SLC28A3: variants seen among roughly 807,000 people sequenced by gnomAD.
SLC28A3 encodes solute carrier family 28 member 3.
SLC28A3 carries 68 observed loss-of-function variants against 84.2 expected under a neutral mutation model. That is an observed-to-expected ratio of 0.81 (90% confidence interval 0.66 to 0.99). The LOEUF (loss-of-function observed/expected upper bound fraction) is 0.99. Ranked by LOEUF, SLC28A3 falls within the 50% of genes least tolerant of loss-of-function variation. The pLI is 0.00. For missense variants in SLC28A3, 712 were observed against 841.5 expected (o/e 0.85, Z 1.90); for synonymous variants, 267 against 303.6 (o/e 0.88, Z 1.25).
At chr9:84,289,378 T>C (rs947249197) in intron 11 of SLC28A3, among the ~76,000 whole-genome samples, 8 of 152,248 alleles carry the variant, frequency 5.3e-5, no homozygotes, top group African/African-American at 1.9e-4. Flanking sequence ...TATTGGGGAC[T>C]GTGTCTATGT....
Position 84,286,122 on chromosome 9 carries a change from A to AAAT in SLC28A3, c.1281-14_1281-12dup. On this transcript the variant is annotated splice_polypyrimidine_tract_variant and intron_variant, in intron 12 of 17. Transcript: ENST00000376238. Reference sequence around the variant, plus strand: ...AGATTCCCTGAATCACTTTATCAAGAAATAGCAATTCCAGAATTACCAAGG... The same window carrying AAAT: ...AGATTCCCTGAATCACTTTATCAAGAAATAATAGCAATTCCAGAATTACCAAGG... The AAAT allele has an allele frequency of 6.2e-7, 1 of 1,612,352 alleles. No homozygotes were observed. Among genetic ancestry groups the AAAT allele is most frequent in the Non-Finnish European group, 8.5e-7 (1 of 1,178,900 alleles).
the SLC28A3 span, among the ~76,000 whole-genome samples, chr9:84,361,705 C>A: frequency 2.0e-5 from 3 of 151,716 alleles, no homozygotes; most frequent in Non-Finnish European, 2.9e-5. Context: ...AGGGTAGATT[C>A]CCCCCAAAAG....
chr9:84,294,162 C>T (rs375195515), intron 9 of SLC28A3, 33 bp downstream of exon 9: 2 of 1,606,974 alleles, frequency 1.2e-6, no homozygotes, highest in Non-Finnish European at 8.5e-7. Flanking sequence ...ATCAGCTCTA[C>T]ACCTATAACC....
intron 1 of SLC28A3, among the ~76,000 whole-genome samples, chr9:84,334,435 A>G (rs934182532): frequency 1.3e-5 from 2 of 152,236 alleles, no homozygotes; most frequent in Admixed American, 6.5e-5. Context: ...GCAAGGAAGT[A>G]ATTGCCCCAC....
Position 84,290,235 on chromosome 9 carries a change from G to A in SLC28A3, c.1068C>T (p.Thr356=), listed in dbSNP as rs1226996428. The change falls in exon 11 of 18, where the codon ACC becomes ACT. Residue 356 remains threonine, a synonymous_variant. Transcript: ENST00000376238. The part of the protein sequence containing the change: ...LLVRPYLPYI[T]KSELHAIMTA... The stretch of plus-strand genomic sequence containing the variant: ...TCATGATGGCGTGGAGTTCAGACTT[G>A]GTGATGTAAGGTAAATATGGTCGGA... The A allele has an allele frequency of 6.2e-7, 1 of 1,613,942 alleles. No individual in the cohort carries two copies. The highest frequency in any genetic ancestry group is 8.5e-7 in the Non-Finnish European group (1 of 1,179,960).
At chr9:84,323,018 T>G (rs1035463863) in intron 1 of SLC28A3, among the ~76,000 whole-genome samples, 19 of 151,930 alleles carry the variant, frequency 1.3e-4, no homozygotes, top group African/African-American at 4.3e-4. Context: ...GGATTTGAGG[T>G]TTTATTTATT....
rs1824521710 is a variant in SLC28A3 at position 84,276,245 on chromosome 9, GAC to G, written c.*1971_*1972del. ...TGTCTCAACTGAGATATGCAAACCA[GAC>G]AGACTTAGTTTCATAAGAATGAAAA... On this transcript the variant is annotated 3_prime_UTR_variant, in exon 18 of 18. Coordinates refer to ENST00000376238, the MANE Select transcript of SLC28A3 (RefSeq NM_001199633.2). 1 of 151,972 alleles carries G rather than the reference GAC, an allele frequency of 6.6e-6. No homozygotes were observed. The highest frequency in any genetic ancestry group is 1.5e-5 in the Non-Finnish European group (1 of 68,004). The allele number at this position is 151,972 out of a possible 1,614,324, so 9.4% of individuals were successfully genotyped here. A position where few individuals can be genotyped will look rare whatever the true frequency, so the allele number is the denominator to read the frequency against.
chr9:84,323,274 A>G (rs1826436096), intron 1 of SLC28A3, among the ~76,000 whole-genome samples: 1 of 152,220 alleles, frequency 6.6e-6, no homozygotes, highest in African/African-American at 2.4e-5. Context: ...GATGTGGAGT[A>G]TTAGTATACC....
At chr9:84,284,971 A>G (rs1236757030) in intron 14 of SLC28A3, among the ~76,000 whole-genome samples, 1 of 152,084 alleles carries the variant, frequency 6.6e-6, no homozygotes, top group Non-Finnish European at 1.5e-5. Context: ...CTATGAGGCC[A>G]GGGGCCCCAT....
chr9:84,361,214 G>A, the SLC28A3 span, among the ~76,000 whole-genome samples: 1 of 151,912 alleles, frequency 6.6e-6, no homozygotes, highest in Non-Finnish European at 1.5e-5. Context: ...GTGTGGTTGT[G>A]GGCGCTTGTA....
chr9:84,309,655 A>C lies in SLC28A3; in HGVS notation c.216T>G (p.Asp72Glu), dbSNP rs146479215. 387 of 1,613,110 alleles carry C rather than the reference A, an allele frequency of 2.4e-4. No homozygotes were observed. Among genetic ancestry groups the C allele is most frequent in the Non-Finnish European group, 2.8e-4 (333 of 1,179,866 alleles). ...CTTTTTGTTGCATCTCCTCATCATC[A>C]TCCTCCATGTGTTCTCTGTTTCTTG... is the stretch of plus-strand genomic sequence containing the variant. ...DSPRNREHME[D>E]DDEEMQQKGC... The change falls in exon 3 of 18, where the codon GAT (aspartate) becomes GAG (glutamate). Residue 72 changes from aspartate (D) to glutamate (E), a missense_variant. Physicochemically the swap from Asp to Glu is conservative, Grantham distance 45 (BLOSUM62 2). Coordinates refer to ENST00000376238, the MANE Select transcript of SLC28A3 (RefSeq NM_001199633.2).
chr9:84,309,814 G>A, intron 2 of SLC28A3, 100 bp from the exon 3 acceptor site: 1 of 887,072 alleles, frequency 1.1e-6, no homozygotes, highest in Non-Finnish European at 1.8e-6. Context: ...ACTTTCAATA[G>A]GTCCTTTTAA....
rs1205262397 is a variant in SLC28A3, at chr9:84,277,531, T to TACAA, written c.*683_*686dup. 6.6e-6 allele frequency: 1 copy of TACAA among 152,270 alleles called. No homozygotes were observed. The highest frequency in any genetic ancestry group is 2.1e-4 in the South Asian group (1 of 4,836). The allele number at this position is 152,270 out of a possible 1,614,324, so 9.4% of individuals were successfully genotyped here. A position where few individuals can be genotyped will look rare whatever the true frequency, so the allele number is the denominator to read the frequency against. ...ATGGATTACAACCAAGATGGATCAT[T>TACAA]ACAAACATGTGAGTGAAAAATAAAT... On this transcript the variant is annotated 3_prime_UTR_variant, in exon 18 of 18. Coordinates refer to ENST00000376238, the MANE Select transcript of SLC28A3 (RefSeq NM_001199633.2).
intron 1 of SLC28A3, among the ~76,000 whole-genome samples, chr9:84,327,925 CAAAAA>C (rs60624658): frequency 9.3e-5 from 10 of 107,358 alleles, no homozygotes; most frequent in African/African-American, 3.4e-4. Context: ...GACTCCATTT[CAAAAA>C]AAAAAAAAAA....
chr9:84,285,141 A>G (rs1242165563), intron 14 of SLC28A3, among the ~76,000 whole-genome samples: 1 of 152,200 alleles, frequency 6.6e-6, no homozygotes, highest in African/African-American at 2.4e-5. Flanking sequence ...GTCTACACAC[A>G]CACGCACACT....
chr9:84,308,517 G>T (rs1479892437), intron 3 of SLC28A3, among the ~76,000 whole-genome samples: 1 of 151,916 alleles, frequency 6.6e-6, no homozygotes, highest in Non-Finnish European at 1.5e-5. Context: ...CTGCACTCCA[G>T]CCTGGGCAAC....
intron 1 of SLC28A3, among the ~76,000 whole-genome samples, chr9:84,339,178 T>TATA (rs1475179013): frequency 6.6e-6 from 1 of 152,212 alleles, no homozygotes; most frequent in African/African-American, 2.4e-5. Context: ...TTTAATGGTA[T>TATA]ATAAGCTCCT....
chr9:84,276,341 T>C lies in SLC28A3; in HGVS notation c.*1877A>G, dbSNP rs1824524896. ...ATTAAAATTAATTTTACTTGTTTTT[T>C]AGCGTGGCTACTAGATCTTAAATTA... On this transcript the variant is annotated 3_prime_UTR_variant, in exon 18 of 18. Transcript: ENST00000376238. 1 of 151,878 alleles carries C rather than the reference T, an allele frequency of 6.6e-6. No homozygotes were observed. Among genetic ancestry groups the C allele is most frequent in the Non-Finnish European group, 1.5e-5 (1 of 67,998 alleles). 9.4% of individuals were successfully genotyped at this position (151,878 alleles called of 1,614,324 possible). A position where few individuals can be genotyped will look rare whatever the true frequency, so the allele number is the denominator to read the frequency against.
At chr9:84,356,492 G>C in the SLC28A3 span, among the ~76,000 whole-genome samples, 5 of 152,084 alleles carry the variant, frequency 3.3e-5, no homozygotes, top group Non-Finnish European at 7.4e-5. Flanking sequence ...AAATGTGATG[G>C]TTCCCATTCT....
Sources: allele counts gnomAD v4.1 joint callset (sites outside exome capture counted in the v4.1 genomes callset), GRCh38; gene constraint gnomAD v4.1.1; transcripts MANE v1.5; gene names NCBI Gene and HGNC (gene_info 2026-07-23, HGNC 2026-07-21).